The following MTO1 variants were observed in gnomAD, a reference collection of about 807,000 sequenced individuals.
MTO1 encodes 5-taurinomethyluridine-[tRNA] synthase subunit MTO1, mitochondrial.
A neutral mutation model predicts 71.6 loss-of-function variants in MTO1; 46 were observed. The ratio of observed to expected loss-of-function variants is 0.64; its 90% confidence interval spans 0.51 to 0.82. MTO1 has a LOEUF of 0.82. MTO1 is among the 40% of genes least tolerant of loss of function. MTO1 has a pLI of 0.00. For missense variants in MTO1, 773 were observed against 867.5 expected (o/e 0.89, Z 1.37); for synonymous variants, 297 against 312.1 (o/e 0.95, Z 0.51).
chr6:73,489,101 A>G (rs746763779), intron 9 of MTO1, among the ~76,000 whole-genome samples: 6 of 152,040 alleles, frequency 3.9e-5, no homozygotes, highest in Non-Finnish European at 7.4e-5. Context: ...TTTAATACAT[A>G]TTGTGTTGAT....
intron 4 of MTO1, among the ~76,000 whole-genome samples, chr6:73,476,546 A>G (rs1315061098): frequency 1.3e-5 from 2 of 152,120 alleles, no homozygotes; most frequent in African/African-American, 2.4e-5. Context: ...AACGTCACTC[A>G]CTGTTAATAT....
chr6:73,464,577 C>T (rs1312194415), intron 1 of MTO1, among the ~76,000 whole-genome samples: 1 of 149,714 alleles, frequency 6.7e-6, no homozygotes, highest in African/African-American at 2.5e-5. Context: ...GTCGGAAGTT[C>T]GAGACCAGCC....
intron 4 of MTO1, 103 bp from the exon 5 acceptor site, chr6:73,479,629 T>G (rs1331711782): frequency 1.2e-6 from 1 of 824,304 alleles, no homozygotes; most frequent in Non-Finnish European, 1.9e-6. Context: ...ATGCACAAGT[T>G]TAGTGTCTAT....
At chr6:73,495,108 G>A (rs1374944458) in intron 10 of MTO1, among the ~76,000 whole-genome samples, 1 of 151,920 alleles carries the variant, frequency 6.6e-6, no homozygotes, top group Non-Finnish European at 1.5e-5. Context: ...TCCCACAAAG[G>A]CCTATCACCT....
At chr6:73,472,716 C>CA (rs5877366) in intron 3 of MTO1, among the ~76,000 whole-genome samples, 89,251 of 151,854 alleles carry the variant, frequency 0.59, 27,282 homozygotes, top group Non-Finnish European at 0.69. Flanking sequence ...TAAGTGTTCT[C>CA]ACCACACAAA....
At chr6:73,476,394 A>AG (rs1357672529) in intron 4 of MTO1, among the ~76,000 whole-genome samples, 2 of 151,204 alleles carry the variant, frequency 1.3e-5, no homozygotes, top group Non-Finnish European at 2.9e-5. Flanking sequence ...AAAAAAAAAA[A>AG]AAAGAAAGTT....
At chr6:73,474,462 G>A (rs1204057908) in intron 4 of MTO1, among the ~76,000 whole-genome samples, 3 of 151,452 alleles carry the variant, frequency 2.0e-5, no homozygotes, top group Admixed American at 6.6e-5. Context: ...TCTTTTTTTT[G>A]TTTTTTTGAG....
chr6:73,482,848 G>A (rs1771549318), intron 9 of MTO1, among the ~76,000 whole-genome samples: 1 of 128,342 alleles, frequency 7.8e-6, no homozygotes, highest in Non-Finnish European at 1.6e-5. Context: ...CCAGACTGCA[G>A]TGGTGCGATC....
At chr6:73,465,352 C>T (rs958231937) in intron 1 of MTO1, among the ~76,000 whole-genome samples, 1 of 151,820 alleles carries the variant, frequency 6.6e-6, no homozygotes, top group Non-Finnish European at 1.5e-5. Flanking sequence ...TTAGTAGAGA[C>T]GGGGTTTCAC....
At chr6:73,498,186 G>A (rs1772050024) in intron 11 of MTO1, among the ~76,000 whole-genome samples, 1 of 151,872 alleles carries the variant, frequency 6.6e-6, no homozygotes, top group African/African-American at 2.4e-5. Flanking sequence ...ACTCCAGCCT[G>A]GGCAACAGAG....
intron 1 of MTO1, among the ~76,000 whole-genome samples, chr6:73,464,770 G>T (rs963785163): frequency 1.3e-5 from 2 of 149,926 alleles, no homozygotes; most frequent in Non-Finnish European, 3.0e-5. Context: ...GGGAGGTGGA[G>T]GTTGCAGTGA....
At chr6:73,474,639 G>A (rs1771257034) in intron 4 of MTO1, among the ~76,000 whole-genome samples, 1 of 147,250 alleles carries the variant, frequency 6.8e-6, no homozygotes, top group African/African-American at 2.5e-5. Flanking sequence ...GTAGAGACGG[G>A]GTTTCACCAT....
At position 73,503,969 on chromosome 6, in the gene MTO1, CAGA is replaced by C. The variant is rs1219416293; in HGVS notation, c.*3240_*3242del. The stretch of plus-strand genomic sequence containing the variant: ...TCAACTCCTAGAAGAATGCCCTGTC[CAGA>C]AGAAGTGGTCAGGAGTATCAGGAAA... On this transcript the variant is annotated 3_prime_UTR_variant, in exon 12 of 12. Transcript: ENST00000498286. The C allele has an allele frequency of 5.3e-5, 8 of 152,120 alleles. No homozygotes were observed. The highest frequency in any genetic ancestry group is 7.3e-5 in the Non-Finnish European group (5 of 68,038). The allele number at this position is 152,120 out of a possible 1,614,324, so 9.4% of individuals were successfully genotyped here.
chr6:73,478,458 A>G (rs561093116), intron 4 of MTO1, among the ~76,000 whole-genome samples: 2 of 152,174 alleles, frequency 1.3e-5, no homozygotes, highest in East Asian at 3.9e-4. Flanking sequence ...GGTGAGTGTT[A>G]TCCTGATGTA....
At position 73,462,078 on chromosome 6, in the gene MTO1, A is replaced by G; in HGVS notation, c.217+7A>G. The G allele has an allele frequency of 6.2e-7, 1 of 1,612,102 alleles. No individual in the cohort carries two copies. The highest frequency in any genetic ancestry group is 8.5e-7 in the Non-Finnish European group (1 of 1,179,000). On this transcript the variant is annotated splice_region_variant and intron_variant, in intron 1 of 11. Coordinates refer to ENST00000498286, the MANE Select transcript of MTO1 (RefSeq NM_012123.4). ...CACCGCGTGGACACGATCGGTGAGGAGCGCGGGTGCTGTGGAACTTGGCGT... is the reference window on the plus strand; with the variant it reads ...CACCGCGTGGACACGATCGGTGAGGGGCGCGGGTGCTGTGGAACTTGGCGT...
intron 4 of MTO1, 62 bp from the exon 5 acceptor site, chr6:73,479,670 T>C (rs1771428973): frequency 7.5e-7 from 1 of 1,333,308 alleles, no homozygotes; most frequent in South Asian, 1.2e-5. Context: ...TGGAATTTAT[T>C]TGGATAAGAG....
intron 8 of MTO1, 62 bp downstream of exon 8, chr6:73,482,306 C>T: frequency 2.5e-6 from 4 of 1,586,908 alleles, no homozygotes; most frequent in Non-Finnish European, 3.5e-6. Flanking sequence ...ATAATCCAAG[C>T]AATTTGAGAG....
intron 9 of MTO1, among the ~76,000 whole-genome samples, chr6:73,490,371 A>G (rs928913915): frequency 5.9e-5 from 9 of 152,176 alleles, no homozygotes; most frequent in South Asian, 2.1e-4. Flanking sequence ...GCCCATGCCT[A>G]TGTCCTAAAT....
In MTO1 at chr6:73,508,475, T is replaced by TTTTG. The variant is rs1772347283; in HGVS notation, c.*7741_*7744dup. On this transcript the variant is annotated 3_prime_UTR_variant, in exon 12 of 12. Transcript: ENST00000498286. ...GGAAACACTTCTAGAATATACTGTA[T>TTTTG]TTTGACACAAGACCAGACTGTGCTA... The TTTTG allele has an allele frequency of 6.6e-6, 1 of 152,174 alleles. No individual in the cohort carries two copies. Among genetic ancestry groups the TTTTG allele is most frequent in the Non-Finnish European group, 1.5e-5 (1 of 68,040 alleles). The allele number at this position is 152,174 out of a possible 1,614,324, so 9.4% of individuals were successfully genotyped here.
Sources: allele counts gnomAD v4.1 joint callset (sites outside exome capture counted in the v4.1 genomes callset), GRCh38; gene constraint gnomAD v4.1.1; transcripts MANE v1.5; gene names NCBI Gene and HGNC (gene_info 2026-07-23, HGNC 2026-07-21).